Variants in ASTN1 observed in about 807,000 individuals in gnomAD.
The protein encoded by ASTN1 is astrotactin 1, also known as astrotactin-1.
ASTN1 carries 41 observed loss-of-function variants against 140.7 expected under a neutral mutation model. The ratio of observed to expected loss-of-function variants is 0.29; its 90% confidence interval spans 0.23 to 0.38. The LOEUF (loss-of-function observed/expected upper bound fraction) is 0.38, where lower values mean the gene tolerates loss of function less well. Ranked by LOEUF, ASTN1 falls within the 10% of genes least tolerant of loss-of-function variation. The probability of loss-of-function intolerance (pLI) is 1.00; values close to 1 mark genes in which losing one functional copy is unlikely to be tolerated. For missense variants in ASTN1, 1,479 were observed against 1,678.8 expected, an observed-to-expected ratio of 0.88 and a Z score of 2.08; for synonymous variants, 640 against 652.2, an observed-to-expected ratio of 0.98 and a Z score of 0.29.
chr1:177,051,314 T>C (rs1048245952), intron 2 of ASTN1, among the ~76,000 whole-genome samples: 2 of 152,244 alleles, frequency 1.3e-5, no homozygotes, highest in Admixed American at 6.5e-5. Flanking sequence ...ATGTACTAGA[T>C]TGAGGTCAGC....
chr1:177,145,144 A>C (rs1251600775), intron 1 of ASTN1, among the ~76,000 whole-genome samples: 1 of 152,180 alleles, frequency 6.6e-6, no homozygotes, highest in African/African-American at 2.4e-5. Flanking sequence ...AGAAAAATCA[A>C]CTTTCAGCTC....
chr1:176,902,765 C>A (rs1426981569), intron 16 of ASTN1, among the ~76,000 whole-genome samples: 2 of 152,072 alleles, frequency 1.3e-5, no homozygotes, highest in Non-Finnish European at 2.9e-5. Context: ...TAGCTGTGAC[C>A]CCAATTGCAT....
chr1:176,957,510 A>G (rs764669980), intron 11 of ASTN1, among the ~76,000 whole-genome samples, 168 bp downstream of exon 11: 13 of 152,300 alleles, frequency 8.5e-5, no homozygotes, highest in Non-Finnish European at 1.5e-4. Flanking sequence ...TAACTGATTC[A>G]TGATTACCTT....
intron 16 of ASTN1, among the ~76,000 whole-genome samples, chr1:176,897,390 AGT>A (rs1428384969): frequency 1.3e-5 from 2 of 152,074 alleles, no homozygotes; most frequent in Admixed American, 1.3e-4. Flanking sequence ...TCGCCATGCA[AGT>A]CTTGCCAGAG....
intron 18 of ASTN1, among the ~76,000 whole-genome samples, chr1:176,885,329 C>T (rs1372666228): frequency 1.3e-5 from 2 of 152,194 alleles, no homozygotes; most frequent in African/African-American, 4.8e-5. Context: ...CTCTGTACCT[C>T]GCAGAAACTT....
At chr1:176,868,552 AG>A (rs1448596820) in intron 22 of ASTN1, among the ~76,000 whole-genome samples, 2 of 152,194 alleles carry the variant, frequency 1.3e-5, no homozygotes, top group African/African-American at 4.8e-5. Context: ...TGACTCTTTG[AG>A]TTTTAGGGTT....
chr1:176,869,295 G>A (rs1033169822), intron 21 of ASTN1, among the ~76,000 whole-genome samples: 1 of 152,024 alleles, frequency 6.6e-6, no homozygotes, highest in Non-Finnish European at 1.5e-5. Context: ...TGAACCCAAG[G>A]CCTGAAGAAA....
rs977223848 is a variant in ASTN1, at chr1:176,960,505, A to G, written c.1599-2023T>C. Among the ~76,000 whole-genome samples, 3 of 152,354 alleles carry G rather than the reference A, an allele frequency of 2.0e-5. No individual in the cohort carries two copies. In the East Asian group the frequency reaches 5.8e-4, roughly 29 times the overall value. ...TGATGGTTAATTTTTCTTTTGAAAG[A>G]CGAGGCTCCATGCCCATCCATCTCA... On this transcript the variant is annotated intron_variant, in intron 9 of 22. Coordinates refer to ENST00000361833, the MANE Select transcript of ASTN1 (RefSeq NM_004319.3).
At chr1:177,063,511 A>C (rs1360083050) in intron 1 of ASTN1, among the ~76,000 whole-genome samples, 1 of 152,132 alleles carries the variant, frequency 6.6e-6, no homozygotes, top group African/African-American at 2.4e-5. Context: ...TCTCCAGGAA[A>C]AGAGTCCCTC....
intron 2 of ASTN1, among the ~76,000 whole-genome samples, chr1:177,043,752 C>T (rs915892162): frequency 3.9e-5 from 6 of 152,156 alleles, no homozygotes; most frequent in Non-Finnish European, 7.4e-5. Flanking sequence ...TGAGAGGAGA[C>T]GCTGACGTAC....
chr1:177,025,041 C>A (rs1042611536), intron 5 of ASTN1, among the ~76,000 whole-genome samples: 2 of 152,166 alleles, frequency 1.3e-5, no homozygotes, highest in Non-Finnish European at 2.9e-5. Context: ...CTTCCCTAGT[C>A]GCCTTACTAA....
intron 1 of ASTN1, among the ~76,000 whole-genome samples, chr1:177,162,223 C>T (rs576139264): frequency 6.6e-6 from 1 of 152,318 alleles, no homozygotes; most frequent in Admixed American, 6.5e-5. Flanking sequence ...GACTCCTCTT[C>T]CTTTCTGCCC....
chr1:176,986,887 G>T (rs1409064627), intron 8 of ASTN1, among the ~76,000 whole-genome samples: 1 of 152,180 alleles, frequency 6.6e-6, no homozygotes. Context: ...ATAAGTACCT[G>T]TTGTTATTAT....
chr1:177,038,403 G>C (rs945658839), intron 2 of ASTN1, among the ~76,000 whole-genome samples: 4 of 152,104 alleles, frequency 2.6e-5, no homozygotes, highest in Non-Finnish European at 5.9e-5. Context: ...AAAACGCAGC[G>C]CCTGGCATAA....
At chr1:176,954,406 A>T (rs1022447646) in intron 11 of ASTN1, among the ~76,000 whole-genome samples, 5 of 152,190 alleles carry the variant, frequency 3.3e-5, no homozygotes, top group African/African-American at 1.2e-4. Context: ...TGGACTCTAG[A>T]ATCTGCAAAA....
chr1:177,066,655 G>C (rs2102044884), intron 1 of ASTN1, among the ~76,000 whole-genome samples: 1 of 152,268 alleles, frequency 6.6e-6, no homozygotes, highest in African/African-American at 2.4e-5. Context: ...ATCATGTCAG[G>C]ATCAGGATTT....
intron 16 of ASTN1, among the ~76,000 whole-genome samples, chr1:176,907,855 T>C (rs557913686): frequency 4.5e-4 from 68 of 152,328 alleles, no homozygotes; most frequent in African/African-American, 1.5e-3. Flanking sequence ...TCCACTGCCA[T>C]GAAGAAAACT....
At position 176,864,294 on chromosome 1, in the gene ASTN1, T is replaced by C. The variant is rs773194016; in HGVS notation, c.3875A>G (p.Lys1292Arg). ...CCTGGCCTTATGGTGCTAGATCTCT[T>C]TGCTGTCCCCATAGTCGTTGTAGGG... ...SIPYNDYGDS[K>R]EI The change falls in exon 23 of 23, where the codon AAA (lysine) becomes AGA (arginine). Residue 1292 changes from lysine (K) to arginine (R), a missense_variant. Around this residue, in one of 3 missense-constraint regions of ASTN1, gnomAD observed 746 missense variants for 800.9 expected, o/e 0.93. Transcript: ENST00000361833. The C allele has an allele frequency of 1.2e-6, 2 of 1,614,020 alleles. No homozygotes were observed. Among genetic ancestry groups the C allele is most frequent in the Admixed American group, 3.3e-5 (2 of 60,030 alleles).
intron 13 of ASTN1, among the ~76,000 whole-genome samples, chr1:176,944,328 T>C (rs758216371): frequency 2.0e-5 from 3 of 152,162 alleles, no homozygotes; most frequent in Non-Finnish European, 4.4e-5. Context: ...GGCACAATCA[T>C]AGCTCACTAC....
Sources: gnomAD v4.1 joint callset for allele counts (sites outside exome capture counted in the v4.1 genomes callset) on GRCh38, gnomAD v4.1.1 for gene constraint, gnomAD v4.1.1 regional missense constraint, MANE v1.5 for transcripts, NCBI Gene and HGNC (gene_info 2026-07-23, HGNC 2026-07-21) for gene names.